The following SORBS2 variants were observed in gnomAD, a reference collection of about 807,000 sequenced individuals.
SORBS2 encodes sorbin and SH3 domain containing 2.
Under a neutral mutation model 97.7 loss-of-function variants are expected in SORBS2, and 46 were observed. The ratio of observed to expected loss-of-function variants is 0.47; its 90% confidence interval spans 0.37 to 0.60. SORBS2 has a LOEUF of 0.60. SORBS2 is among the 20% of genes least tolerant of loss of function. The pLI is 0.00. For synonymous variants in SORBS2, 476 were observed against 473.4 expected, an observed-to-expected ratio of 1.01 and a Z score of -0.07; for missense variants, 1,316 against 1,282.3, an observed-to-expected ratio of 1.03 and a Z score of -0.40.
At chr4:185,732,562 C>A (rs1161477010) in intron 2 of SORBS2, among the ~76,000 whole-genome samples, 1 of 152,162 alleles carries the variant, frequency 6.6e-6, no homozygotes, top group Non-Finnish European at 1.5e-5. Flanking sequence ...ACATTAGGCC[C>A]CCTCCTGGGG....
At chr4:185,671,785 T>C (rs1329555434) in intron 4 of SORBS2, among the ~76,000 whole-genome samples, 1 of 152,172 alleles carries the variant, frequency 6.6e-6, no homozygotes, top group East Asian at 1.9e-4. Flanking sequence ...GTATTAGAAA[T>C]TCTTTCCAAT....
rs10002825 is a variant in SORBS2, at chr4:185,784,697, C to T, written c.-337-9331G>A. Among the ~76,000 whole-genome samples, 320 of 152,158 alleles carry T rather than the reference C, an allele frequency of 2.1e-3. 1 individual carries two copies. Among genetic ancestry groups the T allele is most frequent in the African/African-American group, 7.0e-3 (291 of 41,520 alleles). On this transcript the variant is annotated intron_variant, in intron 1 of 20. Transcript: ENST00000284776. The stretch of plus-strand genomic sequence containing the variant: ...AAAAACAACCTTCCTTACATTAGAC[C>T]GGCTGAACGACAGCAATAAACTATT...
chr4:185,613,172 C>T (rs772515647), intron 11 of SORBS2, among the ~76,000 whole-genome samples: 21 of 152,306 alleles, frequency 1.4e-4, no homozygotes, highest in African/African-American at 1.2e-4. Flanking sequence ...GCTCGGGCAG[C>T]GGCACCTGAT....
chr4:185,630,433 C>T, intron 5 of SORBS2, 116 bp downstream of exon 17: 1 of 530,130 alleles, frequency 1.9e-6, no homozygotes, highest in Non-Finnish European at 3.3e-6. Context: ...AGGCATGGTA[C>T]TTCAAATAAA....
chr4:185,942,226 G>A (rs187393407), intron 1 of SORBS2, among the ~76,000 whole-genome samples: 80 of 152,260 alleles, frequency 5.3e-4, no homozygotes, highest in Middle Eastern at 3.4e-3. Flanking sequence ...AATGCTTCTG[G>A]GAAGAAAGAA....
At chr4:185,919,180 T>C (rs1032758855) in intron 1 of SORBS2, 4 of 152,196 alleles carry the variant, frequency 2.6e-5, no homozygotes, top group African/African-American at 9.7e-5. Flanking sequence ...TTCTAAAGAA[T>C]TCGTTCATTA....
intron 4 of SORBS2, among the ~76,000 whole-genome samples, chr4:185,675,933 G>C (rs1356942985): frequency 6.6e-6 from 1 of 152,016 alleles, no homozygotes; most frequent in Non-Finnish European, 1.5e-5. Flanking sequence ...GGGGGATCTT[G>C]GTGTCAATTA....
At chr4:185,721,402 G>A (rs979765410) in intron 2 of SORBS2, among the ~76,000 whole-genome samples, 20 of 152,126 alleles carry the variant, frequency 1.3e-4, no homozygotes, top group Admixed American at 7.9e-4. Context: ...TATGACAGAT[G>A]TGAACGTTTG....
intron 1 of SORBS2, among the ~76,000 whole-genome samples, chr4:185,906,688 T>C (rs1277953449): frequency 6.6e-6 from 1 of 152,222 alleles, no homozygotes; most frequent in Non-Finnish European, 1.5e-5. Flanking sequence ...TCCATACGTA[T>C]CTCGGACTAT....
At chr4:185,917,020 T>C (rs2099258529) in intron 1 of SORBS2, among the ~76,000 whole-genome samples, 1 of 152,046 alleles carries the variant, frequency 6.6e-6, no homozygotes, top group Non-Finnish European at 1.5e-5. Flanking sequence ...GGGCTGAAGG[T>C]TAAGTGGATC....
At chr4:185,811,253 G>A (rs566720819) in intron 1 of SORBS2, 3 of 152,244 alleles carry the variant, frequency 2.0e-5, no homozygotes, top group East Asian at 1.9e-4. Flanking sequence ...AATCATTTAC[G>A]AGGCTTAAAA....
intron 1 of SORBS2, among the ~76,000 whole-genome samples, chr4:185,917,497 G>A (rs1442116387): frequency 6.6e-6 from 1 of 152,186 alleles, no homozygotes; most frequent in African/African-American, 2.4e-5. Context: ...CAACCTGCTG[G>A]GATTATAGGC....
intron 2 of SORBS2, among the ~76,000 whole-genome samples, chr4:185,700,241 G>T (rs1453773058): frequency 6.6e-6 from 1 of 152,088 alleles, no homozygotes; most frequent in Non-Finnish European, 1.5e-5. Context: ...GTGGTTTCAT[G>T]AATCAAGGAA....
At chr4:185,649,077 A>G (rs957063334) in intron 3 of SORBS2, among the ~76,000 whole-genome samples, 2 of 152,242 alleles carry the variant, frequency 1.3e-5, no homozygotes, top group Non-Finnish European at 2.9e-5. Context: ...TGATTTTTGA[A>G]TAACTTTCCC....
At chr4:185,827,180 GAATCAC>G (rs2099200788) in intron 1 of SORBS2, among the ~76,000 whole-genome samples, 1 of 12,036 alleles carries the variant, frequency 8.3e-5, no homozygotes, top group African/African-American at 1.7e-4. Context: ...ACCATCATCA[GAATCAC>G]CATCATCATC....
chr4:185,940,930 A>T (rs987089213), intron 1 of SORBS2, among the ~76,000 whole-genome samples: 2 of 152,108 alleles, frequency 1.3e-5, no homozygotes, highest in East Asian at 3.9e-4. Context: ...ATGGATAGAG[A>T]CATTTTTGGT....
intron 1 of SORBS2, among the ~76,000 whole-genome samples, chr4:185,786,980 CAAAA>C (rs57734265): frequency 2.0e-5 from 2 of 100,276 alleles, no homozygotes; most frequent in African/African-American, 8.0e-5. Context: ...GGCTCTGTCT[CAAAA>C]AAAAAAAAAA....
intron 3 of SORBS2, among the ~76,000 whole-genome samples, chr4:185,647,412 C>CTTTTT (rs376002220): frequency 7.6e-6 from 1 of 131,688 alleles, no homozygotes; most frequent in African/African-American, 2.8e-5. Flanking sequence ...AAGAAGGCTT[C>CTTTTT]TTTTTTTTTT....
chr4:185,651,453 C>A (rs898295376), intron 2 of SORBS2, among the ~76,000 whole-genome samples: 8 of 152,204 alleles, frequency 5.3e-5, no homozygotes, highest in African/African-American at 1.9e-4. Flanking sequence ...TGTAATCATT[C>A]TCTCTGCTGA....
Sources: gnomAD v4.1 joint callset for allele counts (sites outside exome capture counted in the v4.1 genomes callset) on GRCh38, gnomAD v4.1.1 for gene constraint, MANE v1.5 for transcripts, NCBI Gene and HGNC (gene_info 2026-07-23, HGNC 2026-07-21) for gene names.